PTPRR: variants seen among roughly 807,000 people sequenced by gnomAD.
PTPRR encodes the protein receptor-type tyrosine-protein phosphatase R.
In PTPRR, 38 loss-of-function variants were observed where a neutral mutation model predicts 77.2. The observed-to-expected ratio is 0.49, with a 90% CI of 0.38 to 0.65. PTPRR has a LOEUF of 0.65. PTPRR is among the 30% of genes least tolerant of loss of function. PTPRR has a pLI of 0.00. For missense variants in PTPRR, 744 were observed against 799.2 expected, an observed-to-expected ratio of 0.93 and a Z score of 0.83; for synonymous variants, 299 against 283.1, an observed-to-expected ratio of 1.06 and a Z score of -0.57.
intron 1 of PTPRR, among the ~76,000 whole-genome samples, chr12:70,914,008 C>G (rs1893739014): frequency 6.6e-6 from 1 of 151,836 alleles, no homozygotes; most frequent in Admixed American, 6.6e-5. Flanking sequence ...GGGGAATATA[C>G]AGGATTGAAA....
At chr12:70,645,038 T>A (rs1886145750) in intron 13 of PTPRR, among the ~76,000 whole-genome samples, 1 of 152,128 alleles carries the variant, frequency 6.6e-6, no homozygotes, top group East Asian at 1.9e-4. Context: ...AATCAGAGCA[T>A]ATCAATGTCT....
In PTPRR at chr12:70,764,251, T is replaced by C. The variant is rs191868422; in HGVS notation, c.471+414A>G. Among the ~76,000 whole-genome samples, 285 of 152,218 alleles carry C rather than the reference T, an allele frequency of 1.9e-3. 1 individual carries two copies. Among genetic ancestry groups the C allele is most frequent in the African/African-American group, 6.5e-3 (271 of 41,532 alleles). On this transcript the variant is annotated intron_variant, in intron 3 of 13. Transcript: ENST00000283228. The stretch of plus-strand genomic sequence containing the variant: ...GATATACTTGAAAGTATATCAATAA[T>C]GTCTGGAAACTGCCTTACCTGATAT...
intron 7 of PTPRR, 26 bp from the exon 8 acceptor site, chr12:70,698,375 A>C: frequency 1.3e-6 from 2 of 1,586,016 alleles, no homozygotes; most frequent in Non-Finnish European, 1.7e-6. Flanking sequence ...ATATCAAATT[A>C]GTGTATCTAA....
rs73345151 is a variant in PTPRR at position 70,791,929 on chromosome 12, C to T, written c.358-27151G>A. Among the ~76,000 whole-genome samples, 384 of 152,160 alleles carry T rather than the reference C, an allele frequency of 2.5e-3. 2 individuals are homozygous for T. The highest frequency in any genetic ancestry group is 8.8e-3 in the African/African-American group (365 of 41,522). On this transcript the variant is annotated intron_variant, in intron 2 of 13. Transcript: ENST00000283228. ...GAATGCAGTGGCTATTTTTGAGAAA[C>T]GACTTGCTTCAACCACATATCTCAG...
At chr12:70,812,936 C>T (rs1891836180) in intron 2 of PTPRR, among the ~76,000 whole-genome samples, 1 of 152,276 alleles carries the variant, frequency 6.6e-6, no homozygotes, top group Non-Finnish European at 1.5e-5. Context: ...GCTCATTGAG[C>T]TATTCTGCTT....
intron 2 of PTPRR, among the ~76,000 whole-genome samples, chr12:70,808,145 G>A (rs1235473251): frequency 6.6e-6 from 1 of 152,112 alleles, no homozygotes; most frequent in East Asian, 1.9e-4. Context: ...AGATAGGGAT[G>A]AAACACACCC....
chr12:70,701,147 C>T lies in PTPRR; in HGVS notation c.1184G>A (p.Ser395Asn). 17 of 1,613,866 alleles carry T rather than the reference C, an allele frequency of 1.1e-5. No individual in the cohort carries two copies. Among genetic ancestry groups the T allele is most frequent in the African/African-American group, 1.3e-5 (1 of 75,024 alleles). The change falls in exon 7 of 14, where the codon AGT becomes AAT. Residue 395 changes from serine to asparagine, a missense_variant. Physicochemically the swap from Ser to Asn is conservative, Grantham distance 46. Coordinates refer to ENST00000283228, the MANE Select transcript of PTPRR (RefSeq NM_002849.4). ...AAATAGAAGGCTCACCATGAATTCA[C>T]TTTGGAGTAAATGTGAACTTGCCAC... ...DVVASSHLLQSEFMEIPMNFV... is the reference protein window; with the variant it reads ...DVVASSHLLQNEFMEIPMNFV...
rs1326615746 is a variant in PTPRR, at chr12:70,646,971, G to A, written c.1881-7694C>T. 2.6e-5 allele frequency among the ~76,000 whole-genome samples: 4 copies of A among 151,680 alleles called. No homozygotes were observed. The East Asian group carries it at 7.8e-4, about 29-fold the overall frequency. On this transcript the variant is annotated intron_variant, in intron 13 of 13. Transcript: ENST00000283228. ...AAAAAAAAAAGAAAAGAAAATCATC[G>A]AACTGAAGTGACTAATCAAAACATT...
At position 70,770,787 on chromosome 12, in the gene PTPRR, A is replaced by T. The variant is rs530308149; in HGVS notation, c.358-6009T>A. Among the ~76,000 whole-genome samples, 5 of 152,294 alleles carry T rather than the reference A, an allele frequency of 3.3e-5. No individual in the cohort carries two copies. The South Asian group carries it at 1.0e-3, about 32-fold the overall frequency. On this transcript the variant is annotated intron_variant, in intron 2 of 13. Transcript: ENST00000283228. ...CAACAATGATAGACTGGATTAAGAA[A>T]ATGTGGCACATATACACCACGGAAT...
At chr12:70,828,381 A>G (rs1366225744) in intron 2 of PTPRR, among the ~76,000 whole-genome samples, 1 of 152,234 alleles carries the variant, frequency 6.6e-6, no homozygotes, top group Non-Finnish European at 1.5e-5. Context: ...CAGTCCACAT[A>G]TAGTTATACT....
intron 1 of PTPRR, among the ~76,000 whole-genome samples, chr12:70,919,836 C>T (rs1428070936): frequency 6.6e-6 from 1 of 152,036 alleles, no homozygotes; most frequent in Non-Finnish European, 1.5e-5. Flanking sequence ...GGTGCAGCAT[C>T]ACTAATGTGA....
intron 1 of PTPRR, among the ~76,000 whole-genome samples, chr12:70,901,931 T>C (rs1328635811): frequency 3.3e-5 from 5 of 151,812 alleles, no homozygotes; most frequent in African/African-American, 1.2e-4. Context: ...AAAGGACTAA[T>C]ATTCAGAATC....
intron 2 of PTPRR, among the ~76,000 whole-genome samples, chr12:70,814,443 A>G (rs1891864457): frequency 6.6e-6 from 1 of 152,174 alleles, no homozygotes; most frequent in Admixed American, 6.5e-5. Flanking sequence ...AGGGAAGACA[A>G]GCATCTAAAG....
chr12:70,719,557 T>A lies in PTPRR; in HGVS notation c.1008-18234A>T, dbSNP rs186321073. Among the ~76,000 whole-genome samples, 1,037 of 151,980 alleles carry A rather than the reference T, an allele frequency of 6.8e-3. 10 individuals carry two copies. Among genetic ancestry groups the A allele is most frequent in the African/African-American group, 0.015 (623 of 41,440 alleles). On this transcript the variant is annotated intron_variant, in intron 6 of 13. Transcript: ENST00000283228. ...AGGGCAAAAAAAAAAATCATTTTTT[T>A]AAAAAAATAATGAAAATTGCAAAGG...
chr12:70,768,559 T>C (rs1194610898), intron 2 of PTPRR, among the ~76,000 whole-genome samples: 1 of 152,144 alleles, frequency 6.6e-6, no homozygotes, highest in African/African-American at 2.4e-5. Context: ...GATGGATTCA[T>C]AGCTGAATTC....
intron 2 of PTPRR, among the ~76,000 whole-genome samples, chr12:70,813,726 A>G (rs1367704895): frequency 2.6e-5 from 4 of 152,206 alleles, no homozygotes; most frequent in African/African-American, 9.6e-5. Flanking sequence ...GAGGCCACAC[A>G]TCTCCCCAAG....
At position 70,702,524 on chromosome 12, in the gene PTPRR, A is replaced by G. The variant is rs529408384; in HGVS notation, c.1008-1201T>C. On this transcript the variant is annotated intron_variant, in intron 6 of 13. Coordinates refer to ENST00000283228, the MANE Select transcript of PTPRR (RefSeq NM_002849.4). Reference sequence around the variant, plus strand: ...TTTAATACTTACTCTGGAATGCGACATTAAGAAATATTACAGTGGCTTGAG... The same window carrying G: ...TTTAATACTTACTCTGGAATGCGACGTTAAGAAATATTACAGTGGCTTGAG... Among the ~76,000 whole-genome samples, 39 of 152,314 alleles carry G rather than the reference A, an allele frequency of 2.6e-4. 1 individual carries two copies. Among genetic ancestry groups the G allele is most frequent in the African/African-American group, 8.9e-4 (37 of 41,580 alleles).
chr12:70,774,522 T>C (rs12424885), intron 2 of PTPRR, among the ~76,000 whole-genome samples: 92 of 151,986 alleles, frequency 6.1e-4, no homozygotes, highest in Admixed American at 4.7e-3. Flanking sequence ...TACCCAACTA[T>C]AGTGAAGAAG....
chr12:70,643,761 CT>C (rs1457628377), intron 13 of PTPRR, among the ~76,000 whole-genome samples: 2 of 148,006 alleles, frequency 1.4e-5, no homozygotes, highest in African/African-American at 5.2e-5. Flanking sequence ...CAAGGGTACT[CT>C]TTTTCTTACT....
Sources: allele counts gnomAD v4.1 joint callset (sites outside exome capture counted in the v4.1 genomes callset), GRCh38; gene constraint gnomAD v4.1.1; transcripts MANE v1.5; gene names NCBI Gene and HGNC (gene_info 2026-07-23, HGNC 2026-07-21).